CNTNAP5: variants seen among roughly 807,000 people sequenced by gnomAD.
CNTNAP5 encodes the protein contactin-associated protein-like 5.
A neutral mutation model predicts 150.2 loss-of-function variants in CNTNAP5; 72 were observed. The ratio of observed to expected loss-of-function variants is 0.48; its 90% CI spans 0.40 to 0.58. The LOEUF is 0.58. Ranked by LOEUF, CNTNAP5 falls within the 20% of genes least tolerant of loss-of-function variation. The pLI, the probability that CNTNAP5 is intolerant of heterozygous loss-of-function variation, is 0.00. For missense variants in CNTNAP5, 1,636 were observed against 1,626.2 expected, an observed-to-expected ratio of 1.01 and a Z score of -0.10; for synonymous variants, 672 against 619.8, an observed-to-expected ratio of 1.08 and a Z score of -1.25.
chr2:124,321,347 G>GT (rs1689094227), intron 3 of CNTNAP5, among the ~76,000 whole-genome samples: 1 of 151,824 alleles, frequency 6.6e-6, no homozygotes, highest in Non-Finnish European at 1.5e-5. Context: ...GGAGGCTGAG[G>GT]TAGGAGAATC....
At chr2:124,765,768 C>T (rs1450316802) in intron 16 of CNTNAP5, among the ~76,000 whole-genome samples, 5 of 151,888 alleles carry the variant, frequency 3.3e-5, no homozygotes, top group Non-Finnish European at 7.4e-5. Flanking sequence ...CCAGCATGCC[C>T]AATATGGTGA....
At chr2:124,812,609 C>T (rs1232856330) in intron 19 of CNTNAP5, among the ~76,000 whole-genome samples, 2 of 152,186 alleles carry the variant, frequency 1.3e-5, no homozygotes, top group Non-Finnish European at 2.9e-5. Context: ...CATGATAAAG[C>T]TTTGGTTTCC....
intron 8 of CNTNAP5, among the ~76,000 whole-genome samples, chr2:124,510,514 TATATAC>T (rs1199120798): frequency 8.1e-6 from 1 of 123,694 alleles, no homozygotes; most frequent in Non-Finnish European, 1.6e-5. Flanking sequence ...TATATATATA[TATATAC>T]ATATATCTCC....
intron 3 of CNTNAP5, among the ~76,000 whole-genome samples, chr2:124,381,951 G>A (rs181314572): frequency 1.6e-4 from 24 of 152,254 alleles, no homozygotes; most frequent in East Asian, 1.5e-3. Flanking sequence ...TGACAAAAGC[G>A]TGGTGTCAGG....
At chr2:124,317,326 A>G (rs1688992652) in intron 3 of CNTNAP5, among the ~76,000 whole-genome samples, 1 of 152,214 alleles carries the variant, frequency 6.6e-6, no homozygotes, top group Non-Finnish European at 1.5e-5. Context: ...CAATGTTACC[A>G]ATACAAAAAC....
chr2:124,493,936 G>A (rs1362661277), intron 7 of CNTNAP5, among the ~76,000 whole-genome samples: 6 of 142,132 alleles, frequency 4.2e-5, no homozygotes, highest in Non-Finnish European at 9.2e-5. Flanking sequence ...GCTAAAAAAA[G>A]TAGTTTGGAG....
intron 11 of CNTNAP5, among the ~76,000 whole-genome samples, chr2:124,580,641 G>T (rs1332159843): frequency 6.6e-6 from 1 of 152,142 alleles, no homozygotes; most frequent in African/African-American, 2.4e-5. Flanking sequence ...CCTCCACAAT[G>T]CATAACAGTT....
chr2:124,726,818 A>G (rs1368753400), intron 13 of CNTNAP5, among the ~76,000 whole-genome samples: 3 of 151,464 alleles, frequency 2.0e-5, no homozygotes, highest in Non-Finnish European at 4.4e-5. Flanking sequence ...ATTTTTTTTA[A>G]TTTAAGCATA....
chr2:124,428,257 C>G (rs1445478957), intron 4 of CNTNAP5, among the ~76,000 whole-genome samples: 2 of 152,150 alleles, frequency 1.3e-5, no homozygotes, highest in East Asian at 3.9e-4. Context: ...TGCCTGGACA[C>G]CCTCCTAACC....
chr2:124,307,396 A>G (rs1465516940), intron 3 of CNTNAP5, among the ~76,000 whole-genome samples: 4 of 152,146 alleles, frequency 2.6e-5, no homozygotes, highest in Admixed American at 6.5e-5. Context: ...TTAGAGCTTC[A>G]ACATACGATT....
At chr2:124,558,245 A>G (rs4848246) in intron 10 of CNTNAP5, among the ~76,000 whole-genome samples, 52,516 of 151,966 alleles carry the variant, frequency 0.35, 9,308 homozygotes, top group African/African-American at 0.42. Flanking sequence ...GGTGAGATTC[A>G]GGACAGCTTC....
intron 1 of CNTNAP5, among the ~76,000 whole-genome samples, chr2:124,203,061 C>T (rs1270750874): frequency 5.9e-5 from 9 of 152,058 alleles, no homozygotes; most frequent in Non-Finnish European, 1.3e-4. Context: ...GTCCCTTTTG[C>T]CTATAAAATC....
In CNTNAP5 at chr2:124,419,952, C is replaced by CCT. The variant is rs1558894029; in HGVS notation, c.529+2362_529+2363insCT. 5.6e-3 allele frequency among the ~76,000 whole-genome samples: 422 copies of CCT among 75,632 alleles called. 11 individuals are homozygous for CCT. Among genetic ancestry groups the CCT allele is most frequent in the Middle Eastern group, 0.014 (2 of 148 alleles). 49.6% of individuals were successfully genotyped at this position (75,632 alleles called of 152,430 possible). Reference sequence around the variant, plus strand: ...TCTTTCTTTCTTTCTTTCTTTCTTTCTTTCCTTTTCTCTCTCTCTCTTTCT... The same window carrying CCT: ...TCTTTCTTTCTTTCTTTCTTTCTTTCCTTTTCCTTTTCTCTCTCTCTCTTTCT... On this transcript the variant is annotated intron_variant, in intron 4 of 23. Coordinates refer to ENST00000682447, the MANE Select transcript of CNTNAP5 (RefSeq NM_001367498.1).
chr2:124,554,608 G>A (rs961048394), intron 10 of CNTNAP5, among the ~76,000 whole-genome samples: 1 of 151,848 alleles, frequency 6.6e-6, no homozygotes, highest in Non-Finnish European at 1.5e-5. Flanking sequence ...TTTTTGTAGA[G>A]ACAGGGTTTC....
At chr2:124,726,124 C>A (rs538559266) in intron 13 of CNTNAP5, among the ~76,000 whole-genome samples, 1 of 151,864 alleles carries the variant, frequency 6.6e-6, no homozygotes, top group African/African-American at 2.4e-5. Context: ...ATGTCTTCAC[C>A]AATGCTTGTT....
At chr2:124,601,529 T>G (rs1573489201) in intron 11 of CNTNAP5, among the ~76,000 whole-genome samples, 2 of 152,048 alleles carry the variant, frequency 1.3e-5, no homozygotes, top group South Asian at 4.1e-4. Context: ...ACACAACAAT[T>G]AAAGCAATTA....
intron 3 of CNTNAP5, among the ~76,000 whole-genome samples, chr2:124,393,638 G>C (rs568219896): frequency 1.4e-4 from 21 of 152,302 alleles, no homozygotes; most frequent in Admixed American, 1.2e-3. Flanking sequence ...TCACTCAGCT[G>C]TCCTCACAGG....
chr2:124,210,588 G>T (rs780654031), intron 1 of CNTNAP5, among the ~76,000 whole-genome samples: 2 of 151,814 alleles, frequency 1.3e-5, no homozygotes, highest in Non-Finnish European at 2.9e-5. Context: ...CCCCTGATTG[G>T]GTCTTGTTAG....
intron 10 of CNTNAP5, among the ~76,000 whole-genome samples, chr2:124,560,665 T>A (rs1458562083): frequency 6.6e-6 from 1 of 152,116 alleles, no homozygotes; most frequent in Non-Finnish European, 1.5e-5. Context: ...CATTGGGGAT[T>A]TTTCTGGAAA....
Sources: gnomAD v4.1 joint callset for allele counts (sites outside exome capture counted in the v4.1 genomes callset) on GRCh38, gnomAD v4.1.1 for gene constraint, MANE v1.5 for transcripts, NCBI Gene and HGNC (gene_info 2026-07-23, HGNC 2026-07-21) for gene names.